Variants in SLCO3A1 observed in about 807,000 individuals in gnomAD.
SLCO3A1 encodes the protein solute carrier organic anion transporter family member 3A1.
Under a neutral mutation model 63.1 loss-of-function variants are expected in SLCO3A1, and 27 were observed. The observed-to-expected ratio is 0.43, with a 90% CI of 0.32 to 0.59. The LOEUF (loss-of-function observed/expected upper bound fraction) is 0.59. SLCO3A1 is among the 20% of genes least tolerant of loss of function. The pLI, the probability that SLCO3A1 is intolerant of heterozygous loss-of-function variation, is 0.09. For synonymous variants in SLCO3A1, 473 were observed against 409.9 expected, an observed-to-expected ratio of 1.15 and a Z score of -1.86; for missense variants, 773 against 945.8, an observed-to-expected ratio of 0.82 and a Z score of 2.40.
downstream of SLCO3A1, among the ~76,000 whole-genome samples, chr15:92,170,109 CTTAACG>C (rs1484775758): frequency 6.6e-6 from 1 of 152,138 alleles, no homozygotes; most frequent in East Asian, 1.9e-4. Flanking sequence ...TCATGTTTTT[CTTAACG>C]TTAACCTTAT....
intron 4 of SLCO3A1, among the ~76,000 whole-genome samples, chr15:92,120,067 T>C (rs531343128): frequency 6.6e-6 from 1 of 151,202 alleles, no homozygotes; most frequent in South Asian, 2.1e-4. Context: ...TTATACTTTA[T>C]TTTATATAAA....
chr15:92,164,475 C>G lies in SLCO3A1; in HGVS notation c.*1340C>G. The G allele has an allele frequency of 2.0e-6, 2 of 985,426 alleles. No individual in the cohort carries two copies. Among genetic ancestry groups the G allele is most frequent in the Non-Finnish European group, 2.4e-6 (2 of 829,934 alleles). 61.0% of individuals were successfully genotyped at this position (985,426 alleles called of 1,614,324 possible). On this transcript the variant is annotated 3_prime_UTR_variant, in exon 10 of 10. Coordinates refer to ENST00000318445, the MANE Select transcript of SLCO3A1 (RefSeq NM_013272.4). ...CACGGGAAACCCTTTTATATTCATG[C>G]TTGACATTCCAAGAGGCGTTCTTTT...
At position 91,894,294 on chromosome 15, in the gene SLCO3A1, T is replaced by C. The variant is rs894961830; in HGVS notation, c.181-21699T>C. ...GCCAGGAGGGTCCGGAGTTAGGATT[T>C]TATTCCAGGCCCATGGGGAGCCATT... On this transcript the variant is annotated intron_variant, in intron 1 of 9. Coordinates refer to ENST00000318445, the MANE Select transcript of SLCO3A1 (RefSeq NM_013272.4). This position sits in a 1 kb window ranked among gnomAD's most constrained non-coding sequence, Gnocchi z 4.8. 6.6e-6 allele frequency among the ~76,000 whole-genome samples: 1 copy of C among 152,132 alleles called. No homozygotes were observed. Among genetic ancestry groups the C allele is most frequent in the Non-Finnish European group, 1.5e-5 (1 of 68,012 alleles).
chr15:92,115,813 C>G (rs1179475726), intron 4 of SLCO3A1, among the ~76,000 whole-genome samples: 1 of 20,238 alleles, frequency 4.9e-5, no homozygotes, highest in Non-Finnish European at 1.3e-4. Context: ...GTTCTCTTCC[C>G]TCAAAAAAAA....
At chr15:91,861,733 C>G (rs987097152) in intron 1 of SLCO3A1, among the ~76,000 whole-genome samples, 1 of 152,094 alleles carries the variant, frequency 6.6e-6, no homozygotes, top group African/African-American at 2.4e-5. Context: ...AAATGATCCT[C>G]CCACCTCAAC....
intron 1 of SLCO3A1, among the ~76,000 whole-genome samples, chr15:91,861,905 G>A (rs1158957366): frequency 3.4e-5 from 5 of 147,858 alleles, no homozygotes; most frequent in African/African-American, 1.3e-4. Context: ...CTCCCAGAGT[G>A]CTGGGATTAC....
intron 2 of SLCO3A1, among the ~76,000 whole-genome samples, chr15:92,022,993 C>A (rs958663817): frequency 6.6e-6 from 1 of 151,644 alleles, no homozygotes; most frequent in Admixed American, 6.6e-5. Context: ...CAGAAGTCAT[C>A]GAATCAACTG....
chr15:92,164,692 G>T lies in SLCO3A1; in HGVS notation c.*1557G>T. 1.0e-6 allele frequency: 1 copy of T among 985,432 alleles called. No individual in the cohort carries two copies. Among genetic ancestry groups the T allele is most frequent in the Non-Finnish European group, 1.2e-6 (1 of 829,938 alleles). 61.0% of individuals were successfully genotyped at this position (985,432 alleles called of 1,614,324 possible). A position where few individuals can be genotyped will look rare whatever the true frequency, so the allele number is the denominator to read the frequency against. The stretch of plus-strand genomic sequence containing the variant: ...CGTGAAAATGTCTGTGACATTTTCA[G>T]TGTTAGTCTTGAACTAAGGCCCTTG... On this transcript the variant is annotated 3_prime_UTR_variant, in exon 10 of 10. Transcript: ENST00000318445.
Position 91,916,746 on chromosome 15 carries a change from TC to T in SLCO3A1, c.646+289del, listed in dbSNP as rs1258123245. Among the ~76,000 whole-genome samples, 1 of 152,226 alleles carries T rather than the reference TC, an allele frequency of 6.6e-6. No homozygotes were observed. Among genetic ancestry groups the T allele is most frequent in the Non-Finnish European group, 1.5e-5 (1 of 68,046 alleles). On this transcript the variant is annotated intron_variant, in intron 2 of 9. Coordinates refer to ENST00000318445, the MANE Select transcript of SLCO3A1 (RefSeq NM_013272.4). This position sits in a 1 kb window ranked among gnomAD's most constrained non-coding sequence, Gnocchi z 6.2. ...CGGGAGGAGTTGTATGTTTATCTCT[TC>T]TTTTTGAGTGCGTATGTGGACTTTG...
chr15:91,967,804 A>G lies in SLCO3A1; in HGVS notation c.646+51346A>G, dbSNP rs956363900. 3.3e-5 allele frequency among the ~76,000 whole-genome samples: 5 copies of G among 152,138 alleles called. No individual in the cohort carries two copies. Among genetic ancestry groups the G allele is most frequent in the African/African-American group, 1.2e-4 (5 of 41,430 alleles). On this transcript the variant is annotated intron_variant, in intron 2 of 9. Coordinates refer to ENST00000318445, the MANE Select transcript of SLCO3A1 (RefSeq NM_013272.4). This position sits in a 1 kb window ranked among gnomAD's most constrained non-coding sequence, Gnocchi z 4.4. ...CCACGAGGACGTAGTGGCAGGACTA[A>G]AGGTCAAGGTCACTTCAGTGTTCTC...
chr15:91,978,231 TC>T (rs772134164), intron 2 of SLCO3A1, among the ~76,000 whole-genome samples: 6 of 152,200 alleles, frequency 3.9e-5, no homozygotes, highest in Admixed American at 2.0e-4. Flanking sequence ...TGATAGGCCA[TC>T]CTGCGGTACC....
At chr15:92,060,421 G>A (rs954086666) in intron 2 of SLCO3A1, among the ~76,000 whole-genome samples, 6 of 151,792 alleles carry the variant, frequency 4.0e-5, no homozygotes, top group Non-Finnish European at 8.8e-5. Flanking sequence ...TTAGCTGGGC[G>A]CTGTGATGCA....
intron 2 of SLCO3A1, among the ~76,000 whole-genome samples, chr15:91,937,889 T>C (rs1162825190): frequency 6.6e-6 from 1 of 152,176 alleles, no homozygotes; most frequent in Non-Finnish European, 1.5e-5. Flanking sequence ...CATAATTGAC[T>C]TAACCTTGGT....
chr15:92,043,564 C>G (rs2046824227), intron 2 of SLCO3A1, among the ~76,000 whole-genome samples: 2 of 152,214 alleles, frequency 1.3e-5, no homozygotes, highest in Admixed American at 1.3e-4. Context: ...CCTTTTTGTT[C>G]AGGACTGCCC....
intron 1 of SLCO3A1, among the ~76,000 whole-genome samples, chr15:91,903,784 A>G (rs1034242355): frequency 1.1e-4 from 16 of 152,364 alleles, no homozygotes; most frequent in Admixed American, 7.8e-4. Flanking sequence ...AAATCTGCTT[A>G]CATGGGTTTG....
chr15:91,889,635 T>C (rs1306559085), intron 1 of SLCO3A1, among the ~76,000 whole-genome samples: 1 of 152,254 alleles, frequency 6.6e-6, no homozygotes, highest in African/African-American at 2.4e-5. Flanking sequence ...AGGGTGGATC[T>C]GGTCTTGCTC....
chr15:92,063,510 A>G (rs79074991), intron 2 of SLCO3A1, among the ~76,000 whole-genome samples: 97 of 152,318 alleles, frequency 6.4e-4, no homozygotes, highest in African/African-American at 2.1e-3. Flanking sequence ...TGAAGACTGA[A>G]TGAAATTAGT....
intron 2 of SLCO3A1, among the ~76,000 whole-genome samples, chr15:92,054,029 C>T (rs1018412341): frequency 2.0e-5 from 3 of 152,074 alleles, no homozygotes; most frequent in Non-Finnish European, 2.9e-5. Flanking sequence ...TCTCACCATC[C>T]GTTTATTCAG....
chr15:92,080,084 C>T (rs2047324423), intron 2 of SLCO3A1, among the ~76,000 whole-genome samples: 1 of 152,238 alleles, frequency 6.6e-6, no homozygotes, highest in African/African-American at 2.4e-5. Context: ...AGAAAAGATG[C>T]CTCTTTCAGC....
Sources: gnomAD v4.1 joint callset for allele counts (sites outside exome capture counted in the v4.1 genomes callset) on GRCh38, gnomAD v4.1.1 for gene constraint, Gnocchi (gnomAD v3.1) non-coding constraint, MANE v1.5 for transcripts, NCBI Gene and HGNC (gene_info 2026-07-23, HGNC 2026-07-21) for gene names.